The following CLVS1 variants were observed in gnomAD, a reference collection of about 807,000 sequenced individuals.
CLVS1 encodes the protein clavesin 1.
Under a neutral mutation model 33.1 loss-of-function variants are expected in CLVS1, and 10 were observed. The observed-to-expected ratio is 0.30, with a 90% CI of 0.19 to 0.51. The LOEUF (loss-of-function observed/expected upper bound fraction) is 0.51. CLVS1 is among the 20% of genes least tolerant of loss of function. The pLI is 0.97. For synonymous variants in CLVS1, 163 were observed against 166.1 expected, an observed-to-expected ratio of 0.98 and a Z score of 0.14; for missense variants, 343 against 433.4, an observed-to-expected ratio of 0.79 and a Z score of 1.85.
intron 2 of CLVS1, among the ~76,000 whole-genome samples, chr8:61,367,305 T>C (rs895558378): frequency 3.3e-5 from 5 of 152,216 alleles, no homozygotes; most frequent in Admixed American, 3.3e-4. Flanking sequence ...TTTCTGATCT[T>C]ATTTTTACCT....
chr8:61,346,147 G>A (rs187266932), intron 2 of CLVS1, among the ~76,000 whole-genome samples: 127 of 152,222 alleles, frequency 8.3e-4, no homozygotes, highest in Middle Eastern at 3.4e-3. Flanking sequence ...GCATTTCCCT[G>A]AAGAGTTATT....
At chr8:61,224,898 T>C (rs1808295425) in intron 2 of CLVS1, among the ~76,000 whole-genome samples, 1 of 152,218 alleles carries the variant, frequency 6.6e-6, no homozygotes, top group Middle Eastern at 3.2e-3. Context: ...ACAATAATAA[T>C]GGGAGAATTT....
chr8:61,074,985 C>A (rs566242863), intron 1 of CLVS1, among the ~76,000 whole-genome samples: 2 of 152,130 alleles, frequency 1.3e-5, no homozygotes, highest in Admixed American at 6.5e-5. Flanking sequence ...TCCTCCCCCC[C>A]CTTTTAAATG....
At chr8:61,033,122 GAAAGGAAA>G in the CLVS1 span, among the ~76,000 whole-genome samples, 2 of 21,164 alleles carry the variant, frequency 9.5e-5, no homozygotes, top group African/African-American at 3.5e-4. Context: ...AAGGAAGGAA[GAAAGGAAA>G]GAAAGAAAGA....
At chr8:61,218,533 A>C (rs546735791) in intron 2 of CLVS1, among the ~76,000 whole-genome samples, 2 of 152,012 alleles carry the variant, frequency 1.3e-5, no homozygotes, top group East Asian at 3.9e-4. Flanking sequence ...ATAGGAAGAA[A>C]TTTGTTAAAG....
chr8:61,272,327 T>G (rs999215140), intron 2 of CLVS1, among the ~76,000 whole-genome samples: 1 of 152,216 alleles, frequency 6.6e-6, no homozygotes, highest in African/African-American at 2.4e-5. Flanking sequence ...TGGCCCCCGC[T>G]CTCTTCTGGC....
At chr8:61,454,547 A>G (rs1455675773) in intron 4 of CLVS1, among the ~76,000 whole-genome samples, 1 of 152,232 alleles carries the variant, frequency 6.6e-6, no homozygotes, top group African/African-American at 2.4e-5. Context: ...TATGGGAGAT[A>G]CTGGGTCCAG....
rs1013507002 is a variant in CLVS1, at chr8:61,161,836, T to C, written c.-152+29976T>C. Among the ~76,000 whole-genome samples the C allele has an allele frequency of 4.6e-5, 7 of 152,252 alleles. No individual in the cohort carries two copies. In the East Asian group the frequency reaches 1.3e-3, roughly 29 times the overall value. ...TAAATATGTGAGGTGATGGCTATGT[T>C]GATTAGCTTAATAAGCATTTTTAAA... On this transcript the variant is annotated intron_variant, in intron 2 of 2. Transcript: ENST00000522621.
intron 2 of CLVS1, among the ~76,000 whole-genome samples, chr8:61,357,575 G>A (rs934815832): frequency 3.0e-5 from 4 of 131,538 alleles, no homozygotes; most frequent in Middle Eastern, 4.8e-3. Flanking sequence ...GTGCGATCTC[G>A]GCTCACTGCA....
At chr8:61,198,418 C>T (rs148164769) in intron 2 of CLVS1, among the ~76,000 whole-genome samples, 2,039 of 152,258 alleles carry the variant, frequency 0.013, 19 homozygotes, top group Middle Eastern at 0.031. Flanking sequence ...CTCACTCTTT[C>T]ACCCAGGCTG....
intron 2 of CLVS1, among the ~76,000 whole-genome samples, chr8:61,226,995 T>G (rs552321990): frequency 0.011 from 1,658 of 146,700 alleles, 26 homozygotes; most frequent in African/African-American, 0.037. Context: ...TTTTTTTTTT[T>G]TTGTTCAGCT....
chr8:61,237,047 TTA>T (rs1344529827), intron 2 of CLVS1, among the ~76,000 whole-genome samples: 1 of 152,216 alleles, frequency 6.6e-6, no homozygotes, highest in Non-Finnish European at 1.5e-5. Flanking sequence ...GATTGATTCT[TTA>T]TGTGACGTCC....
intron 3 of CLVS1, among the ~76,000 whole-genome samples, chr8:61,417,192 A>C (rs1815471570): frequency 7.2e-5 from 11 of 152,210 alleles, no homozygotes; most frequent in Admixed American, 7.2e-4. Context: ...AGGGCATGGA[A>C]TGAGGAGGAG....
intron 3 of CLVS1, among the ~76,000 whole-genome samples, chr8:61,419,243 G>A (rs58945272): frequency 0.056 from 8,478 of 151,394 alleles, 610 homozygotes; most frequent in African/African-American, 0.17. Context: ...CTAAAAATAC[G>A]AAAATTAGCT....
At chr8:61,284,568 C>T (rs185612461), upstream of CLVS1, among the ~76,000 whole-genome samples, 368 of 152,176 alleles carry the variant, frequency 2.4e-3, no homozygotes, top group African/African-American at 6.6e-3. Context: ...TGGGTAAAGA[C>T]CAAAGTGTCG....
At chr8:61,347,694 A>G (rs1347043921) in intron 2 of CLVS1, among the ~76,000 whole-genome samples, 1 of 132,838 alleles carries the variant, frequency 7.5e-6, no homozygotes, top group African/African-American at 2.8e-5. Flanking sequence ...CCTGAAGTAT[A>G]CATTGTGGAA....
At chr8:60,997,055 G>A in the CLVS1 span, among the ~76,000 whole-genome samples, 2 of 151,894 alleles carry the variant, frequency 1.3e-5, no homozygotes, top group Non-Finnish European at 2.9e-5. Flanking sequence ...CCTAATAGAG[G>A]TTTAAAATAA....
At chr8:61,241,882 G>C (rs1406818597) in intron 2 of CLVS1, among the ~76,000 whole-genome samples, 1 of 152,138 alleles carries the variant, frequency 6.6e-6, no homozygotes, top group Admixed American at 6.5e-5. Flanking sequence ...GATTTAGTTG[G>C]CCTTCATTCC....
chr8:61,225,698 T>C (rs1808313181), intron 2 of CLVS1, among the ~76,000 whole-genome samples: 1 of 152,240 alleles, frequency 6.6e-6, no homozygotes. Context: ...ACAATTCAAA[T>C]GGTGGAAAGA....
Sources: allele counts gnomAD v4.1 joint callset (sites outside exome capture counted in the v4.1 genomes callset), GRCh38; gene constraint gnomAD v4.1.1; transcripts MANE v1.5; gene names NCBI Gene and HGNC (gene_info 2026-07-23, HGNC 2026-07-21).